SLIT3: variants seen among roughly 807,000 people sequenced by gnomAD.
SLIT3 encodes the protein slit guidance ligand 3.
SLIT3 carries 68 observed loss-of-function variants against 184.0 expected under a neutral mutation model. The observed-to-expected ratio is 0.37, with a 90% CI of 0.30 to 0.45. SLIT3 has a LOEUF of 0.45. SLIT3 is among the 20% of genes least tolerant of loss of function. The pLI is 1.00. For synonymous variants in SLIT3, 831 were observed against 828.6 expected (o/e 1.00, Z -0.05); for missense variants, 1,707 against 2,026.0 (o/e 0.84, Z 3.02).
intron 4 of SLIT3, among the ~76,000 whole-genome samples, chr5:169,141,785 C>T (rs1761750422): frequency 6.7e-6 from 1 of 149,230 alleles, no homozygotes; most frequent in South Asian, 2.1e-4. Flanking sequence ...AGAGCGGTGG[C>T]TCATGCCTGT....
intron 1 of SLIT3, among the ~76,000 whole-genome samples, chr5:169,271,420 A>C (rs2113631958): frequency 6.6e-6 from 1 of 152,248 alleles, no homozygotes; most frequent in South Asian, 2.1e-4. Context: ...ACAGTGGGCT[A>C]TTTTAAGCTC....
At chr5:168,764,558 G>C (rs1337102983) in intron 14 of SLIT3, among the ~76,000 whole-genome samples, 1 of 152,200 alleles carries the variant, frequency 6.6e-6, no homozygotes, top group Non-Finnish European at 1.5e-5. Flanking sequence ...TGGTGGTGAA[G>C]GACGCAGATC....
chr5:168,749,616 A>G lies in SLIT3; in HGVS notation c.1993T>C (p.Phe665Leu), dbSNP rs752814254. 3.7e-5 allele frequency: 60 copies of G among 1,614,038 alleles called. No individual in the cohort carries two copies. In the Admixed American group the frequency reaches 1.0e-3, roughly 27 times the overall value. The change falls in exon 19 of 36, where the codon TTC becomes CTC. Residue 665 changes from phenylalanine to leucine, a missense_variant. Phe to Leu is a conservative substitution (Grantham distance 22, BLOSUM62 0). Around this residue, in one of 3 missense-constraint regions of SLIT3, gnomAD observed 1,307 missense variants for 1,511.6 expected, o/e 0.86. Transcript: ENST00000519560. ...CAGGCCAGGTGGCAGTTGCAGTTGA[A>G]GGGGTTGGACAGGAGGTTTCTAGGA... is the stretch of plus-strand genomic sequence containing the variant. ...LSTINLLSNP[F>L]NCNCHLAWLG...
rs1171174601 is a variant in SLIT3, at chr5:169,166,525, A to C, written c.413+26954T>G. Among the ~76,000 whole-genome samples the C allele has an allele frequency of 3.9e-5, 6 of 152,028 alleles. No individual in the cohort carries two copies. In the South Asian group the frequency reaches 1.2e-3, roughly 32 times the overall value. ...TAATGCAGCTGTGGGATCTTGATCAAGTCACTTCACCTCTCCTGGCATCTG... is the reference window on the plus strand; with the variant it reads ...TAATGCAGCTGTGGGATCTTGATCACGTCACTTCACCTCTCCTGGCATCTG... On this transcript the variant is annotated intron_variant, in intron 4 of 35. Coordinates refer to ENST00000519560, the MANE Select transcript of SLIT3 (RefSeq NM_003062.4).
At chr5:168,870,101 A>G (rs1342931504) in intron 5 of SLIT3, among the ~76,000 whole-genome samples, 2 of 152,264 alleles carry the variant, frequency 1.3e-5, no homozygotes, top group Admixed American at 6.5e-5. Context: ...ACCCACATGT[A>G]CCATGAGCAG....
intron 4 of SLIT3, among the ~76,000 whole-genome samples, chr5:168,901,236 C>T (rs1454731412): frequency 1.3e-5 from 2 of 151,928 alleles, no homozygotes; most frequent in Non-Finnish European, 2.9e-5. Flanking sequence ...TGGCGGCGGG[C>T]GCCTGTAGTC....
intron 4 of SLIT3, among the ~76,000 whole-genome samples, chr5:169,136,574 C>T (rs1475152922): frequency 6.6e-6 from 1 of 152,202 alleles, no homozygotes; most frequent in Non-Finnish European, 1.5e-5. Context: ...GATCACATGT[C>T]AACAAGGCTA....
chr5:169,117,815 G>C (rs930260032), intron 4 of SLIT3, among the ~76,000 whole-genome samples: 1 of 152,220 alleles, frequency 6.6e-6, no homozygotes, highest in African/African-American at 2.4e-5. Context: ...AATGAAGTCA[G>C]AAGTAGATTG....
intron 10 of SLIT3, chr5:168,789,860 A>G: frequency 2.0e-6 from 1 of 510,124 alleles, no homozygotes; most frequent in Non-Finnish European, 3.5e-6. Context: ...TTCAAAGAAT[A>G]CTCACCCGTG....
At chr5:168,776,950 G>C (rs780439469) in intron 12 of SLIT3, among the ~76,000 whole-genome samples, 8 of 152,106 alleles carry the variant, frequency 5.3e-5, no homozygotes, top group Non-Finnish European at 8.8e-5. Context: ...CAACAGGTCA[G>C]AGGTGCCCAT....
intron 4 of SLIT3, among the ~76,000 whole-genome samples, chr5:169,178,026 G>A (rs1164187424): frequency 1.3e-5 from 2 of 152,198 alleles, no homozygotes; most frequent in Admixed American, 6.5e-5. Flanking sequence ...CAGCAACCAC[G>A]TGGAGGCAGT....
At position 168,978,775 on chromosome 5, in the gene SLIT3, T is replaced by A. The variant is rs568345769; in HGVS notation, c.414-95439A>T. ...ATGAAACCCAGTCCCAGGTGATTAGTCTCTGTTAAGTAAATTTACTATCTA... is the reference window on the plus strand; with the variant it reads ...ATGAAACCCAGTCCCAGGTGATTAGACTCTGTTAAGTAAATTTACTATCTA... On this transcript the variant is annotated intron_variant, in intron 4 of 35. Transcript: ENST00000519560. Among the ~76,000 whole-genome samples, 7 of 152,204 alleles carry A rather than the reference T, an allele frequency of 4.6e-5. No individual in the cohort carries two copies. In the South Asian group the frequency reaches 1.5e-3, roughly 32 times the overall value.
intron 4 of SLIT3, among the ~76,000 whole-genome samples, chr5:169,126,133 T>A (rs1452219080): frequency 6.6e-6 from 1 of 152,248 alleles, no homozygotes; most frequent in East Asian, 1.9e-4. Flanking sequence ...AGCTCTCCAA[T>A]GGCACATCGT....
At chr5:168,811,614 A>C (rs1757159552) in intron 8 of SLIT3, among the ~76,000 whole-genome samples, 1 of 152,258 alleles carries the variant, frequency 6.6e-6, no homozygotes, top group South Asian at 2.1e-4. Context: ...CTGTTGTGTT[A>C]GAGCAGTGTT....
At chr5:169,226,869 C>T (rs1040010811) in intron 3 of SLIT3, among the ~76,000 whole-genome samples, 1 of 152,116 alleles carries the variant, frequency 6.6e-6, no homozygotes, top group Non-Finnish European at 1.5e-5. Context: ...CAATGTGGGA[C>T]ACTGGAGGCG....
intron 4 of SLIT3, among the ~76,000 whole-genome samples, chr5:169,062,807 C>A (rs1257736230): frequency 2.6e-5 from 4 of 152,296 alleles, no homozygotes; most frequent in Middle Eastern, 3.4e-3. Flanking sequence ...ATCATTTCCC[C>A]CTTCATGTTC....
intron 4 of SLIT3, among the ~76,000 whole-genome samples, chr5:169,148,946 G>A (rs297832): frequency 0.34 from 50,932 of 151,884 alleles, 8,959 homozygotes; most frequent in Middle Eastern, 0.49. Flanking sequence ...GCTGTGCTCA[G>A]TGTACATCTA....
Position 169,244,564 on chromosome 5 carries a change from A to G in SLIT3, c.341+141T>C. The G allele has an allele frequency of 7.4e-6, 5 of 673,522 alleles. No homozygotes were observed. In the South Asian group the frequency reaches 9.0e-5, roughly 12 times the overall value. 41.7% of individuals were successfully genotyped at this position (673,522 alleles called of 1,614,324 possible). ...AACATGCATCTAATGTGCCTTAAGT[A>G]TAATAGCAAACATTCTATTTAAACA... On this transcript the variant is annotated intron_variant, in intron 3 of 35. Coordinates refer to ENST00000519560, the MANE Select transcript of SLIT3 (RefSeq NM_003062.4).
chr5:169,125,383 C>A (rs574583538), intron 4 of SLIT3, among the ~76,000 whole-genome samples: 5 of 152,336 alleles, frequency 3.3e-5, no homozygotes, highest in African/African-American at 1.2e-4. Context: ...TAGCCACCTG[C>A]ATGCCATGGA....
Sources: gnomAD v4.1 joint callset for allele counts (sites outside exome capture counted in the v4.1 genomes callset) on GRCh38, gnomAD v4.1.1 for gene constraint, gnomAD v4.1.1 regional missense constraint, MANE v1.5 for transcripts, NCBI Gene and HGNC (gene_info 2026-07-23, HGNC 2026-07-21) for gene names.